Variants in STK32A observed in about 807,000 individuals in gnomAD.
STK32A encodes serine/threonine kinase 32A, also known as serine/threonine-protein kinase 32A.
A neutral mutation model predicts 53.2 loss-of-function variants in STK32A; 41 were observed. The observed-to-expected ratio is 0.77, with a 90% CI of 0.60 to 1.00. The LOEUF (loss-of-function observed/expected upper bound fraction) is 1.00. Among genes scored for constraint, STK32A ranks in the 50% least tolerant of loss-of-function variants. The pLI is 0.00. For synonymous variants in STK32A, 166 were observed against 162.8 expected (o/e 1.02, Z -0.15); for missense variants, 458 against 485.8 (o/e 0.94, Z 0.54).
chr5:147,399,069 G>C, the STK32A span: 20 of 1,613,406 alleles, frequency 1.2e-5, 1 homozygote, highest in East Asian at 3.8e-4. Context: ...ACTCCCACCA[G>C]AGCGGGCCTT....
intron 4 of STK32A, among the ~76,000 whole-genome samples, chr5:147,294,207 C>A (rs944190031): frequency 6.6e-6 from 1 of 152,158 alleles, no homozygotes; most frequent in East Asian, 1.9e-4. Context: ...ACACAAAATT[C>A]CTTTCACAAG....
At chr5:147,283,599 T>C (rs1322610818) in intron 4 of STK32A, among the ~76,000 whole-genome samples, 1 of 151,122 alleles carries the variant, frequency 6.6e-6, no homozygotes, top group Non-Finnish European at 1.5e-5. Context: ...CACTAAGAAA[T>C]GAAACAAGAG....
At chr5:147,265,380 T>C (rs1171453068) in intron 2 of STK32A, among the ~76,000 whole-genome samples, 1 of 152,122 alleles carries the variant, frequency 6.6e-6, no homozygotes, top group African/African-American at 2.4e-5. Context: ...ATAGTGCCTC[T>C]TTTGTACACC....
intron 8 of STK32A, among the ~76,000 whole-genome samples, chr5:147,366,529 A>G (rs1484994090): frequency 1.3e-5 from 2 of 152,188 alleles, no homozygotes; most frequent in Non-Finnish European, 2.9e-5. Context: ...ACAAAATAGC[A>G]CTTTCTCTAA....
intron 2 of STK32A, among the ~76,000 whole-genome samples, chr5:147,268,535 G>C (rs1754903763): frequency 6.6e-6 from 1 of 152,168 alleles, no homozygotes; most frequent in South Asian, 2.1e-4. Context: ...TATTGTTATA[G>C]AGCCAGGCAC....
intron 2 of STK32A, among the ~76,000 whole-genome samples, chr5:147,255,551 T>C (rs183506084): frequency 9.5e-4 from 144 of 152,358 alleles, no homozygotes; most frequent in African/African-American, 3.3e-3. Flanking sequence ...GCTGGCTAAC[T>C]TATTGGATAG....
intron 7 of STK32A, among the ~76,000 whole-genome samples, chr5:147,358,504 A>G (rs1406544852): frequency 6.6e-6 from 1 of 152,192 alleles, no homozygotes; most frequent in African/African-American, 2.4e-5. Context: ...CATTGTTCAC[A>G]ATAGTCCCAA....
At chr5:147,359,555 T>A (rs73262257) in intron 7 of STK32A, among the ~76,000 whole-genome samples, 6,055 of 152,288 alleles carry the variant, frequency 0.04, 397 homozygotes, top group African/African-American at 0.14. Context: ...GCACAGTGGC[T>A]CTGATTATCC....
intron 8 of STK32A, among the ~76,000 whole-genome samples, chr5:147,365,623 C>A (rs1001739374): frequency 6.6e-6 from 1 of 151,800 alleles, no homozygotes; most frequent in Non-Finnish European, 1.5e-5. Flanking sequence ...TCCCACTTCA[C>A]CCTTAATTTT....
chr5:147,393,651 C>G, the STK32A span: 1 of 199,594 alleles, frequency 5.0e-6, no homozygotes, highest in Non-Finnish European at 1.0e-5. Flanking sequence ...CCACCACCCA[C>G]TCACCCCAAA....
At chr5:147,287,854 A>ATT (rs78365779) in intron 4 of STK32A, among the ~76,000 whole-genome samples, 29,339 of 149,236 alleles carry the variant, frequency 0.2, 3,465 homozygotes, top group South Asian at 0.46. Flanking sequence ...TAACCGACTA[A>ATT]TTTTTTTTTT....
At position 147,321,731 on chromosome 5, in the gene STK32A, T is replaced by A. The variant is rs373293343; in HGVS notation, c.261-2167T>A. Among the ~76,000 whole-genome samples the A allele has an allele frequency of 5.3e-5, 8 of 152,236 alleles. No homozygotes were observed. In the East Asian group the frequency reaches 1.3e-3, roughly 26 times the overall value. ...ATAATAGGAGAAGAGTCCACTTGAC[T>A]GTTACCAGGTTTCTGAACTACACCT... is the stretch of plus-strand genomic sequence containing the variant. On this transcript the variant is annotated intron_variant, in intron 4 of 12. Coordinates refer to ENST00000397936, the MANE Select transcript of STK32A (RefSeq NM_001112724.2).
the STK32A span, chr5:147,394,028 GGCTT>G: frequency 6.2e-6 from 10 of 1,614,022 alleles, no homozygotes; most frequent in African/African-American, 9.3e-5. Context: ...CTTTGAGGAA[GGCTT>G]GCTTAACTCA....
intron 4 of STK32A, among the ~76,000 whole-genome samples, chr5:147,282,639 C>T (rs1023680240): frequency 9.2e-5 from 14 of 152,018 alleles, no homozygotes; most frequent in Admixed American, 4.6e-4. Context: ...GGAGGGGTAG[C>T]TATTCTTATA....
Position 147,336,386 on chromosome 5 carries a change from GC to G in STK32A, c.435-6617del, listed in dbSNP as rs1391402828. Among the ~76,000 whole-genome samples, 19 of 151,836 alleles carry G rather than the reference GC, an allele frequency of 1.3e-4. No homozygotes were observed. The East Asian group carries it at 3.5e-3, about 28-fold the overall frequency. Reference sequence around the variant, plus strand: ...CCAGCAACTGAAGTGCTAACTCCTGGCCCAGGAGAGGTCCTTCAGGGCACTG... The same window carrying G: ...CCAGCAACTGAAGTGCTAACTCCTGGCCAGGAGAGGTCCTTCAGGGCACTG... On this transcript the variant is annotated intron_variant, in intron 5 of 12. Transcript: ENST00000397936.
intron 5 of STK32A, among the ~76,000 whole-genome samples, chr5:147,338,979 T>C (rs1032426890): frequency 6.6e-6 from 1 of 152,168 alleles, no homozygotes; most frequent in Non-Finnish European, 1.5e-5. Flanking sequence ...AGCCTGATGA[T>C]GGAATAGAAA....
At chr5:147,250,708 G>A (rs4705142) in intron 2 of STK32A, among the ~76,000 whole-genome samples, 36,900 of 151,844 alleles carry the variant, frequency 0.24, 4,536 homozygotes, top group Admixed American at 0.3. Flanking sequence ...TTGGGAGGCC[G>A]AGGTGAGCAG....
intron 5 of STK32A, among the ~76,000 whole-genome samples, chr5:147,332,679 T>C (rs1447859983): frequency 2.0e-5 from 3 of 152,166 alleles, no homozygotes; most frequent in Admixed American, 2.0e-4. Context: ...GCAAATGTTC[T>C]CTTTTTCTAA....
intron 2 of STK32A, chr5:147,240,016 G>A (rs1396972081): frequency 4.1e-6 from 1 of 241,738 alleles, no homozygotes; most frequent in Non-Finnish European, 7.9e-6. Flanking sequence ...ATTGCTCATT[G>A]TTACAGAAAA....
Sources: allele counts gnomAD v4.1 joint callset (sites outside exome capture counted in the v4.1 genomes callset), GRCh38; gene constraint gnomAD v4.1.1; transcripts MANE v1.5; gene names NCBI Gene and HGNC (gene_info 2026-07-23, HGNC 2026-07-21).